RGS6: variants seen among roughly 807,000 people sequenced by gnomAD.
RGS6 encodes the protein regulator of G-protein signaling 6.
Under a neutral mutation model 78.5 loss-of-function variants are expected in RGS6, and 30 were observed. The ratio of observed to expected loss-of-function variants is 0.38; its 90% CI spans 0.29 to 0.52. The LOEUF is 0.52. RGS6 is among the 20% of genes least tolerant of loss of function. RGS6 has a pLI of 0.85. For synonymous variants in RGS6, 206 were observed against 206.0 expected (o/e 1.00, Z 0.00); for missense variants, 495 against 609.7 (o/e 0.81, Z 1.98).
intron 4 of RGS6, among the ~76,000 whole-genome samples, chr14:72,455,106 C>T (rs938459440): frequency 6.6e-6 from 1 of 151,972 alleles, no homozygotes; most frequent in South Asian, 2.1e-4. Flanking sequence ...TGTTCTCCCA[C>T]CAGAAAATAG....
intron 13 of RGS6, among the ~76,000 whole-genome samples, chr14:72,508,017 C>T (rs10130460): frequency 0.014 from 2,073 of 152,282 alleles, 43 homozygotes; most frequent in African/African-American, 0.047. Flanking sequence ...CTGTGGCTTG[C>T]GTTTGAGAGA....
At chr14:72,157,271 A>G (rs2153652707) in intron 2 of RGS6, among the ~76,000 whole-genome samples, 1 of 152,306 alleles carries the variant, frequency 6.6e-6, no homozygotes, top group South Asian at 2.1e-4. Context: ...ACTCCTAGGA[A>G]CAAGAAGCAA....
At chr14:72,186,938 G>C (rs967015303) in intron 2 of RGS6, among the ~76,000 whole-genome samples, 16 of 152,140 alleles carry the variant, frequency 1.1e-4, no homozygotes, top group African/African-American at 3.9e-4. Flanking sequence ...TTGCAGAAAG[G>C]CTGATGTAAT....
At chr14:72,243,995 C>T (rs537309160) in intron 2 of RGS6, among the ~76,000 whole-genome samples, 6 of 152,304 alleles carry the variant, frequency 3.9e-5, no homozygotes, top group African/African-American at 1.2e-4. Flanking sequence ...GGATCAGTGA[C>T]TCTAATTATG....
intron 12 of RGS6, among the ~76,000 whole-genome samples, chr14:72,489,427 G>C (rs1040310038): frequency 1.3e-5 from 2 of 152,246 alleles, no homozygotes; most frequent in East Asian, 3.8e-4. Context: ...GGGTTGAATA[G>C]TGGAGCCCCA....
At chr14:72,348,500 G>A (rs1415011190) in intron 2 of RGS6, among the ~76,000 whole-genome samples, 3 of 152,176 alleles carry the variant, frequency 2.0e-5, no homozygotes, top group Non-Finnish European at 4.4e-5. Flanking sequence ...CATTGGGTCT[G>A]TACTCTTGGG....
intron 12 of RGS6, among the ~76,000 whole-genome samples, chr14:72,485,804 C>T (rs2096478189): frequency 6.6e-6 from 1 of 152,178 alleles, no homozygotes; most frequent in South Asian, 2.1e-4. Flanking sequence ...TTCAGTGCCT[C>T]CAAGACCCAT....
At chr14:72,504,523 G>A (rs983576674) in intron 13 of RGS6, among the ~76,000 whole-genome samples, 1 of 152,128 alleles carries the variant, frequency 6.6e-6, no homozygotes, top group African/African-American at 2.4e-5. Context: ...GGTGATATAT[G>A]TCTCATTTAT....
chr14:72,030,998 A>G (rs1381499969), intron 2 of RGS6, among the ~76,000 whole-genome samples: 2 of 136,410 alleles, frequency 1.5e-5, no homozygotes, highest in Non-Finnish European at 3.2e-5. Context: ...TTTTTTTTTT[A>G]GGATTTGAGA....
intron 1 of RGS6, among the ~76,000 whole-genome samples, chr14:71,939,582 C>T (rs1324160911): frequency 6.6e-6 from 1 of 152,190 alleles, no homozygotes; most frequent in Non-Finnish European, 1.5e-5. Flanking sequence ...GCCTTATGGA[C>T]AGGAATGGAG....
chr14:72,239,585 C>G (rs1193555591), intron 2 of RGS6, among the ~76,000 whole-genome samples: 1 of 152,138 alleles, frequency 6.6e-6, no homozygotes, highest in Non-Finnish European at 1.5e-5. Context: ...CTACCTGTAA[C>G]ACAGTGAGCA....
At chr14:71,926,701 T>G in the RGS6 span, among the ~76,000 whole-genome samples, 6 of 152,210 alleles carry the variant, frequency 3.9e-5, no homozygotes, top group East Asian at 1.2e-3. Context: ...CAAAAGGACT[T>G]AAATTAATTA....
At chr14:72,203,183 G>A (rs551325780) in intron 2 of RGS6, among the ~76,000 whole-genome samples, 116 of 152,182 alleles carry the variant, frequency 7.6e-4, no homozygotes, top group African/African-American at 2.7e-3. Flanking sequence ...CCCTGATCCT[G>A]TTTTTTAGAG....
rs531722415 is a variant in RGS6, at chr14:71,965,389, C to T, written c.84+514C>T. Among the ~76,000 whole-genome samples, 194 of 152,274 alleles carry T rather than the reference C, an allele frequency of 1.3e-3. 1 individual carries two copies. Among genetic ancestry groups the T allele is most frequent in the African/African-American group, 4.4e-3 (183 of 41,548 alleles). Reference sequence around the variant, plus strand: ...AGGAGGAGGCCAGTTCTCCCAGCCTCAGAGGTGAGAATGGGCTTGTGGAAG... The same window carrying T: ...AGGAGGAGGCCAGTTCTCCCAGCCTTAGAGGTGAGAATGGGCTTGTGGAAG... On this transcript the variant is annotated intron_variant, in intron 2 of 17. Transcript: ENST00000553525.
chr14:72,447,095 A>G (rs2095384869), intron 3 of RGS6, among the ~76,000 whole-genome samples: 1 of 152,128 alleles, frequency 6.6e-6, no homozygotes, highest in African/African-American at 2.4e-5. Flanking sequence ...AGATGCAAAG[A>G]TCCTGTGGTG....
At chr14:72,611,518 C>T in the RGS6 span, among the ~76,000 whole-genome samples, 88 of 152,272 alleles carry the variant, frequency 5.8e-4, no homozygotes, top group African/African-American at 2.1e-3. Context: ...GCCCCCACCC[C>T]CCCAGTCCCG....
intron 1 of RGS6, among the ~76,000 whole-genome samples, chr14:71,959,463 A>G (rs1195484474): frequency 6.6e-6 from 1 of 152,198 alleles, no homozygotes; most frequent in Non-Finnish European, 1.5e-5. Flanking sequence ...TTACAGTCAG[A>G]GTTTGATTGC....
chr14:72,251,750 T>C (rs941227363), intron 2 of RGS6, among the ~76,000 whole-genome samples: 2 of 152,148 alleles, frequency 1.3e-5, no homozygotes, highest in African/African-American at 2.4e-5. Flanking sequence ...AAACTACCCA[T>C]TGGGTACTAT....
chr14:71,948,740 C>CTTTTT (rs71305831), intron 1 of RGS6, among the ~76,000 whole-genome samples: 2 of 65,180 alleles, frequency 3.1e-5, no homozygotes, highest in Non-Finnish European at 2.5e-5. Flanking sequence ...CTCTCTCTCT[C>CTTTTT]TTTTTTTTTT....
Sources: gnomAD v4.1 joint callset for allele counts (sites outside exome capture counted in the v4.1 genomes callset) on GRCh38, gnomAD v4.1.1 for gene constraint, MANE v1.5 for transcripts, NCBI Gene and HGNC (gene_info 2026-07-23, HGNC 2026-07-21) for gene names.